The following NTRK3 variants were observed in gnomAD, a reference collection of about 807,000 sequenced individuals.
The protein encoded by NTRK3 is NT-3 growth factor receptor.
NTRK3 carries 24 observed loss-of-function variants against 91.7 expected under a neutral mutation model. That is an observed-to-expected ratio of 0.26 (90% confidence interval 0.19 to 0.37). NTRK3 has a LOEUF of 0.37. Ranked by LOEUF, NTRK3 falls within the 10% of genes least tolerant of loss-of-function variation. The probability of loss-of-function intolerance (pLI) is 1.00; values close to 1 mark genes in which losing one functional copy is unlikely to be tolerated. For synonymous variants in NTRK3, 483 were observed against 404.0 expected (o/e 1.20, Z -2.34); for missense variants, 880 against 1,068.9 (o/e 0.82, Z 2.46).
chr15:87,930,310 C>T (rs2068682125), intron 16 of NTRK3, among the ~76,000 whole-genome samples: 1 of 152,198 alleles, frequency 6.6e-6, no homozygotes, highest in Non-Finnish European at 1.5e-5. Context: ...ACTCTTTTCT[C>T]TAGAAAGCCC....
Position 88,117,425 on chromosome 15 carries a change from C to T in NTRK3, c.1396+8846G>A, listed in dbSNP as rs60618204. 1.1e-4 allele frequency among the ~76,000 whole-genome samples: 16 copies of T among 152,302 alleles called. No homozygotes were observed. The South Asian group carries it at 2.5e-3, about 24-fold the overall frequency. Reference sequence around the variant, plus strand: ...AAAACCAACTGATATTCTTGTCTTTCGCCCAAATCCCAGCTTCTCTCTAAA... The same window carrying T: ...AAAACCAACTGATATTCTTGTCTTTTGCCCAAATCCCAGCTTCTCTCTAAA... On this transcript the variant is annotated intron_variant, in intron 13 of 18. Coordinates refer to ENST00000394480, the Ensembl canonical transcript of NTRK3.
chr15:87,912,694 C>CA (rs918625852), intron 17 of NTRK3, among the ~76,000 whole-genome samples: 4 of 151,838 alleles, frequency 2.6e-5, no homozygotes, highest in African/African-American at 9.7e-5. Flanking sequence ...AGATGACCTC[C>CA]AACTTCATTT....
At chr15:87,934,002 G>A (rs969975733) in intron 15 of NTRK3, among the ~76,000 whole-genome samples, 1 of 152,192 alleles carries the variant, frequency 6.6e-6, no homozygotes, top group Admixed American at 6.5e-5. Context: ...TAGGGCCCAG[G>A]AAGATGAATA....
intron 3 of NTRK3, among the ~76,000 whole-genome samples, chr15:88,213,275 C>T (rs1409280950): frequency 2.6e-5 from 4 of 152,164 alleles, no homozygotes; most frequent in Non-Finnish European, 5.9e-5. Flanking sequence ...TTGCTCAAAG[C>T]CCCCCAGCTG....
At chr15:88,044,716 A>T (rs1169403136) in intron 13 of NTRK3, among the ~76,000 whole-genome samples, 2 of 152,156 alleles carry the variant, frequency 1.3e-5, no homozygotes, top group East Asian at 3.9e-4. Context: ...AGAAACCATG[A>T]AAGTCCAATG....
rs564774006 is a variant in NTRK3, at chr15:87,864,669, AT to A, written c.*12265del. On this transcript the variant is annotated 3_prime_UTR_variant, in exon 19 of 19. Coordinates refer to ENST00000394480, the Ensembl canonical transcript of NTRK3. The stretch of plus-strand genomic sequence containing the variant: ...ATAAAGCATCCCCCTGTCTCCTTGT[AT>A]TTTTTAGAGCATTCTCCATGGCTAG... The A allele has an allele frequency of 7.2e-4, 166 of 230,176 alleles. 2 individuals carry two copies. Among genetic ancestry groups the A allele is most frequent in the African/African-American group, 3.4e-3 (156 of 45,296 alleles). 14.3% of individuals were successfully genotyped at this position (230,176 alleles called of 1,614,324 possible).
At chr15:87,925,356 A>G (rs945337370) in intron 17 of NTRK3, among the ~76,000 whole-genome samples, 4 of 152,076 alleles carry the variant, frequency 2.6e-5, no homozygotes, top group Admixed American at 6.6e-5. Flanking sequence ...AAGAAAGACT[A>G]TAAGGAGGAG....
intron 14 of NTRK3, among the ~76,000 whole-genome samples, chr15:88,025,606 C>T (rs978597713): frequency 6.6e-6 from 1 of 152,116 alleles, no homozygotes; most frequent in African/African-American, 2.4e-5. Context: ...CCCAGCAACA[C>T]CACCAGAAAC....
intron 13 of NTRK3, among the ~76,000 whole-genome samples, chr15:88,034,603 A>G (rs1294414987): frequency 6.6e-6 from 1 of 152,224 alleles, no homozygotes; most frequent in East Asian, 1.9e-4. Flanking sequence ...AGCTTGAACA[A>G]TATTTCCACT....
intron 6 of NTRK3, among the ~76,000 whole-genome samples, chr15:88,144,929 T>A (rs185456847): frequency 2.0e-5 from 3 of 152,178 alleles, no homozygotes; most frequent in Admixed American, 2.0e-4. Flanking sequence ...AAGGAATTGC[T>A]GCACACCCTC....
chr15:88,097,177 CT>C (rs1414771452), intron 13 of NTRK3, among the ~76,000 whole-genome samples: 2 of 152,156 alleles, frequency 1.3e-5, no homozygotes, highest in Non-Finnish European at 2.9e-5. Context: ...TCACCTATGT[CT>C]TTTTATTATT....
At chr15:87,977,044 T>G (rs1462305271) in intron 14 of NTRK3, among the ~76,000 whole-genome samples, 3 of 152,188 alleles carry the variant, frequency 2.0e-5, no homozygotes, top group Non-Finnish European at 2.9e-5. Context: ...GCCTGAGTAG[T>G]GTCTGTAGAA....
Position 88,033,176 on chromosome 15 carries a change from T to TCATATATATATATATATA in NTRK3, c.1397-132_1397-131insTATATATATATATATATG, listed in dbSNP as rs1491166187. On this transcript the variant is annotated intron_variant, in intron 13 of 18. Coordinates refer to ENST00000394480, the Ensembl canonical transcript of NTRK3. ...CTTTTTTTTACTTTTGGGGGGTGTG[T>TCATATATATATATATATA]TATATATATATATATATATATATAT... 4.2e-4 allele frequency: 82 copies of TCATATATATATATATATA among 196,056 alleles called. 2 individuals are homozygous for TCATATATATATATATATA. Among genetic ancestry groups the TCATATATATATATATATA allele is most frequent in the Non-Finnish European group, 5.3e-4 (60 of 113,534 alleles). The allele number at this position is 196,056 out of a possible 1,614,324, so 12.1% of individuals were successfully genotyped here.
At chr15:88,106,320 G>C (rs1438074303) in intron 13 of NTRK3, among the ~76,000 whole-genome samples, 1 of 152,222 alleles carries the variant, frequency 6.6e-6, no homozygotes, top group African/African-American at 2.4e-5. Flanking sequence ...CTGGGCCAAG[G>C]AGCTGAGCAA....
intron 14 of NTRK3, among the ~76,000 whole-genome samples, chr15:88,010,572 G>C (rs902741411): frequency 3.3e-5 from 5 of 152,068 alleles, no homozygotes; most frequent in African/African-American, 9.7e-5. Context: ...ATAACATGGT[G>C]AAGATATTTA....
intron 13 of NTRK3, among the ~76,000 whole-genome samples, chr15:88,099,962 T>G (rs2050006902): frequency 1.3e-5 from 2 of 152,172 alleles, no homozygotes; most frequent in South Asian, 4.1e-4. Flanking sequence ...TCTGGCCTTT[T>G]GAGGACTCTA....
intron 3 of NTRK3, among the ~76,000 whole-genome samples, chr15:88,192,680 G>A (rs760169503): frequency 6.6e-6 from 1 of 152,114 alleles, no homozygotes; most frequent in Non-Finnish European, 1.5e-5. Flanking sequence ...CTCCTTCTCT[G>A]AACACACTCC....
intron 17 of NTRK3, among the ~76,000 whole-genome samples, chr15:87,913,533 A>ATT (rs1159926165): frequency 6.6e-6 from 1 of 152,086 alleles, no homozygotes; most frequent in Non-Finnish European, 1.5e-5. Context: ...CAACCACCAA[A>ATT]TTCTTCTCAT....
At chr15:88,045,718 A>G (rs926315964) in intron 13 of NTRK3, among the ~76,000 whole-genome samples, 1 of 152,176 alleles carries the variant, frequency 6.6e-6, no homozygotes, top group Non-Finnish European at 1.5e-5. Context: ...TGCCTCCACC[A>G]AGCTTCTGTT....
Sources: gnomAD v4.1 joint callset for allele counts (sites outside exome capture counted in the v4.1 genomes callset) on GRCh38, gnomAD v4.1.1 for gene constraint, MANE v1.5 for transcripts, NCBI Gene and HGNC (gene_info 2026-07-23, HGNC 2026-07-21) for gene names.